The following SYNPO2 variants were observed in gnomAD, a reference collection of about 807,000 sequenced individuals.
The protein encoded by SYNPO2 is synaptopodin 2.
A neutral mutation model predicts 85.0 loss-of-function variants in SYNPO2; 56 were observed. The ratio of observed to expected loss-of-function variants is 0.66; its 90% CI spans 0.53 to 0.82. The LOEUF is 0.82. Ranked by LOEUF, SYNPO2 falls within the 40% of genes least tolerant of loss-of-function variation. The pLI, the probability that SYNPO2 is intolerant of heterozygous loss-of-function variation, is 0.00. For missense variants in SYNPO2, 1,575 were observed against 1,534.2 expected (o/e 1.03, Z -0.44); for synonymous variants, 602 against 591.1 (o/e 1.02, Z -0.27).
chr4:119,000,723 G>A (rs917707647), intron 1 of SYNPO2, among the ~76,000 whole-genome samples: 1 of 152,210 alleles, frequency 6.6e-6, no homozygotes, highest in African/African-American at 2.4e-5. Flanking sequence ...AAGGGGAAGG[G>A]AGGTGGACAG....
At chr4:118,873,706 C>A (rs762062269) in intron 1 of SYNPO2, among the ~76,000 whole-genome samples, 2 of 151,922 alleles carry the variant, frequency 1.3e-5, no homozygotes, top group Non-Finnish European at 2.9e-5. Context: ...GAATTAAGTC[C>A]CATTTGTCTA....
intron 1 of SYNPO2, among the ~76,000 whole-genome samples, chr4:118,875,061 A>G (rs1044221065): frequency 6.6e-6 from 1 of 152,176 alleles, no homozygotes; most frequent in Middle Eastern, 3.2e-3. Flanking sequence ...CCACGTGTCC[A>G]TATGTTCTCA....
intron 4 of SYNPO2, among the ~76,000 whole-genome samples, chr4:119,047,218 G>A (rs1364178750): frequency 6.6e-6 from 1 of 152,088 alleles, no homozygotes; most frequent in Non-Finnish European, 1.5e-5. Context: ...GAGCCACCAT[G>A]CCCGACTAAT....
At chr4:118,938,984 A>G (rs916904066) in intron 1 of SYNPO2, among the ~76,000 whole-genome samples, 4 of 152,144 alleles carry the variant, frequency 2.6e-5, no homozygotes, top group Admixed American at 2.6e-4. Flanking sequence ...AGCTTTTTAT[A>G]CCTTCATCAG....
chr4:118,930,849 T>C (rs1034487217), intron 1 of SYNPO2, among the ~76,000 whole-genome samples: 1 of 150,228 alleles, frequency 6.7e-6, no homozygotes, highest in Non-Finnish European at 1.5e-5. Flanking sequence ...GCCCGGAAGG[T>C]TGAGGCTGCA....
At chr4:119,019,880 A>G (rs1315152512) in intron 1 of SYNPO2, among the ~76,000 whole-genome samples, 5 of 152,174 alleles carry the variant, frequency 3.3e-5, no homozygotes, top group African/African-American at 1.2e-4. Flanking sequence ...AGACTGGTTG[A>G]TAAGTTCACT....
rs115242924 is a variant in SYNPO2, at chr4:118,917,875, A to G, written c.105+28734A>G. ...AATACTTTGGTATAATGTAAGGAGA[A>G]TAACATGATTGCAAAATATTGGAAA... On this transcript the variant is annotated intron_variant, in intron 1 of 4. Coordinates refer to ENST00000307142, the MANE Select transcript of SYNPO2 (RefSeq NM_133477.3). Among the ~76,000 whole-genome samples, 748 of 152,366 alleles carry G rather than the reference A, an allele frequency of 4.9e-3. 7 individuals carry two copies. Among genetic ancestry groups the G allele is most frequent in the African/African-American group, 0.016 (660 of 41,594 alleles).
At chr4:118,854,671 A>C (rs1578500578) in intron 1 of SYNPO2, among the ~76,000 whole-genome samples, 1 of 152,286 alleles carries the variant, frequency 6.6e-6, no homozygotes, top group Non-Finnish European at 1.5e-5. Flanking sequence ...ATATTCCACC[A>C]AATTAACAAA....
At chr4:119,036,430 A>ACTT in intron 4 of SYNPO2, 1 of 985,428 alleles carries the variant, frequency 1.0e-6, no homozygotes, top group Non-Finnish European at 1.2e-6. Context: ...TGCCTGTGAC[A>ACTT]CTTTGGTGTT....
At chr4:118,867,557 A>G (rs991929515) in intron 1 of SYNPO2, among the ~76,000 whole-genome samples, 23 of 151,982 alleles carry the variant, frequency 1.5e-4, no homozygotes, top group Admixed American at 7.2e-4. Flanking sequence ...AGAATAGGAC[A>G]TAGTGAATGA....
chr4:119,021,874 G>A (rs1737736922), intron 1 of SYNPO2, among the ~76,000 whole-genome samples: 1 of 152,156 alleles, frequency 6.6e-6, no homozygotes, highest in Admixed American at 6.5e-5. Flanking sequence ...CCACTGCTAA[G>A]CCATGGCCCA....
upstream of SYNPO2, chr4:118,888,791 A>G (rs930619938): frequency 1.3e-5 from 7 of 521,932 alleles, no homozygotes; most frequent in African/African-American, 1.2e-4. Flanking sequence ...GAGTGACGCA[A>G]GAGTGGGCTG....
intron 4 of SYNPO2, chr4:119,036,301 A>C: frequency 1.0e-6 from 1 of 985,346 alleles, no homozygotes; most frequent in South Asian, 4.7e-5. Context: ...GTTTTTAAAC[A>C]TTTTTATAAG....
At chr4:119,018,531 C>G (rs1483690193) in intron 1 of SYNPO2, among the ~76,000 whole-genome samples, 1 of 152,076 alleles carries the variant, frequency 6.6e-6, no homozygotes, top group African/African-American at 2.4e-5. Context: ...TCCATAGTGA[C>G]TGGACTAATT....
At chr4:118,971,840 A>G (rs905463322) in intron 1 of SYNPO2, among the ~76,000 whole-genome samples, 2 of 127,518 alleles carry the variant, frequency 1.6e-5, no homozygotes, top group African/African-American at 5.6e-5. Flanking sequence ...AAGTGACAGG[A>G]GAGATCCAGA....
rs905956693 is a variant in SYNPO2 at position 119,038,214 on chromosome 4, C to T, written c.3252+6187C>T. ...TTGTGAATTTCCCAAACTGATTCAC[C>T]AAGAGCCTACTGTCTCTGCTTTGTA... On this transcript the variant is annotated intron_variant, in intron 4 of 4. Coordinates refer to ENST00000307142, the MANE Select transcript of SYNPO2 (RefSeq NM_133477.3). 4 of 985,224 alleles carry T rather than the reference C, an allele frequency of 4.1e-6. No homozygotes were observed. In the African/African-American group the frequency reaches 7.0e-5, roughly 17 times the overall value. The allele number at this position is 985,224 out of a possible 1,614,324, so 61.0% of individuals were successfully genotyped here. A position where few individuals can be genotyped will look rare whatever the true frequency, so the allele number is the denominator to read the frequency against.
chr4:118,993,960 C>T (rs1196100296), intron 1 of SYNPO2, among the ~76,000 whole-genome samples: 1 of 152,202 alleles, frequency 6.6e-6, no homozygotes, highest in Non-Finnish European at 1.5e-5. Context: ...TAGGCTTAAG[C>T]CGGACCAGCT....
At chr4:118,904,652 T>C (rs536619779) in intron 1 of SYNPO2, among the ~76,000 whole-genome samples, 44 of 152,270 alleles carry the variant, frequency 2.9e-4, no homozygotes, top group African/African-American at 9.1e-4. Context: ...CCCACATGCT[T>C]GTCTTCTAAA....
rs1732273660 is a variant in SYNPO2, at chr4:118,888,978, C to A, written c.-59C>A. The A allele has an allele frequency of 6.4e-7, 1 of 1,558,066 alleles. No homozygotes were observed. The highest frequency in any genetic ancestry group is 8.8e-7 in the Non-Finnish European group (1 of 1,130,908). ...CCGAAGCTGAGTGCGCATCCTCTAC[C>A]GCACCCAAGCTTCGTCTGTCTCGTC... On this transcript the variant is annotated 5_prime_UTR_variant, in exon 1 of 5. Transcript: ENST00000307142.
Sources: allele counts gnomAD v4.1 joint callset (sites outside exome capture counted in the v4.1 genomes callset), GRCh38; gene constraint gnomAD v4.1.1; transcripts MANE v1.5; gene names NCBI Gene and HGNC (gene_info 2026-07-23, HGNC 2026-07-21).